The following KATNAL2 variants were observed in gnomAD, a reference collection of about 807,000 sequenced individuals.
The protein encoded by KATNAL2 is katanin catalytic subunit A1 like 2, also known as katanin p60 ATPase-containing subunit A-like 2.
KATNAL2 carries 52 observed loss-of-function variants against 76.3 expected under a neutral mutation model. That is an observed-to-expected ratio of 0.68 (90% confidence interval 0.55 to 0.86). KATNAL2 has a LOEUF of 0.86. Ranked by LOEUF, KATNAL2 falls within the 40% of genes least tolerant of loss-of-function variation. The pLI is 0.00. For missense variants in KATNAL2, 660 were observed against 668.9 expected (o/e 0.99, Z 0.15); for synonymous variants, 243 against 244.2 (o/e 1.00, Z 0.05).
intron 10 of KATNAL2, among the ~76,000 whole-genome samples, 180 bp from the exon 11 acceptor site, chr18:47,066,841 A>ATG (rs10635120): frequency 0.33 from 18,821 of 57,686 alleles, 3,989 homozygotes; most frequent in African/African-American, 0.4. Context: ...CAATGTATAT[A>ATG]TGTGTTTATA....
At chr18:47,061,687 C>A (rs770093058) in intron 8 of KATNAL2, among the ~76,000 whole-genome samples, 3 of 152,162 alleles carry the variant, frequency 2.0e-5, no homozygotes, top group Non-Finnish European at 2.9e-5. Context: ...GATGCTCCCC[C>A]ACTATGTAAC....
At chr18:47,031,307 G>A (rs756520241) in intron 3 of KATNAL2, among the ~76,000 whole-genome samples, 26 of 152,064 alleles carry the variant, frequency 1.7e-4, no homozygotes, top group Non-Finnish European at 3.5e-4. Flanking sequence ...CAGTCCGAAT[G>A]AGGAAAACAG....
intron 15 of KATNAL2, among the ~76,000 whole-genome samples, chr18:47,087,979 G>A (rs1242636080): frequency 6.6e-6 from 1 of 152,012 alleles, no homozygotes; most frequent in Non-Finnish European, 1.5e-5. Flanking sequence ...TTTTAATCTG[G>A]TGCCAGCCTG....
chr18:46,946,777 G>A (rs1193429160), intron 2 of KATNAL2, 77 bp from the exon 3 acceptor site: 6 of 1,333,994 alleles, frequency 4.5e-6, no homozygotes, highest in Admixed American at 2.0e-5. Flanking sequence ...ATCCGGAAAG[G>A]GGCGGGCTGG....
At chr18:47,078,443 G>C (rs1487107234) in intron 15 of KATNAL2, among the ~76,000 whole-genome samples, 2 of 152,104 alleles carry the variant, frequency 1.3e-5, no homozygotes, top group African/African-American at 4.8e-5. Context: ...TTGCTCAGGT[G>C]ATCAGCATTT....
At chr18:47,085,925 C>A (rs1449530598) in intron 15 of KATNAL2, among the ~76,000 whole-genome samples, 5 of 151,824 alleles carry the variant, frequency 3.3e-5, no homozygotes, top group Admixed American at 3.3e-4. Flanking sequence ...CTCGTCTCTA[C>A]AAAAAAATTG....
chr18:47,078,828 A>C (rs1311012917), intron 15 of KATNAL2, among the ~76,000 whole-genome samples: 2 of 152,222 alleles, frequency 1.3e-5, no homozygotes, highest in African/African-American at 4.8e-5. Flanking sequence ...AAACAAAGCA[A>C]AAAACGCATA....
intron 3 of KATNAL2, among the ~76,000 whole-genome samples, chr18:47,031,312 A>G (rs1846677129): frequency 2.0e-5 from 3 of 152,002 alleles, no homozygotes; most frequent in Admixed American, 2.0e-4. Context: ...CGAATGAGGA[A>G]AACAGATCCA....
At chr18:47,072,654 C>T (rs1261961950) in intron 13 of KATNAL2, among the ~76,000 whole-genome samples, 1 of 152,022 alleles carries the variant, frequency 6.6e-6, no homozygotes, top group Non-Finnish European at 1.5e-5. Flanking sequence ...GCCCAGGCTC[C>T]TCTTGAACTT....
rs1192854888 is a variant in KATNAL2 at position 46,917,685 on chromosome 18, T to C, written c.-751T>C. ...GCCCCGCTCGGCCCCAGGTCGTGCC[T>C]TCCCTCCCCGGCGGAGGCCCCTGCG... On this transcript the variant is annotated 5_prime_UTR_variant, in exon 1 of 18. Transcript: ENST00000683218. The C allele has an allele frequency of 8.6e-6, 4 of 464,656 alleles. No homozygotes were observed. The highest frequency in any genetic ancestry group is 8.5e-6 in the Non-Finnish European group (3 of 352,574). 28.8% of individuals were successfully genotyped at this position (464,656 alleles called of 1,614,324 possible).
intron 3 of KATNAL2, chr18:47,035,219 C>G: frequency 6.2e-7 from 1 of 1,612,784 alleles, no homozygotes; most frequent in South Asian, 1.1e-5. Flanking sequence ...GCCAGACGCA[C>G]CTGCAGCTTC....
chr18:47,100,830 G>A (rs367636379), intron 17 of KATNAL2, 36 bp from the exon 18 acceptor site: 21 of 1,613,042 alleles, frequency 1.3e-5, no homozygotes, highest in Admixed American at 1.7e-5. Flanking sequence ...CCAAGAGGTC[G>A]ATTGTTGTGC....
chr18:46,929,091 C>T (rs111960018), intron 1 of KATNAL2, among the ~76,000 whole-genome samples: 117 of 152,132 alleles, frequency 7.7e-4, no homozygotes, highest in East Asian at 3.9e-4. Flanking sequence ...CCACTGTGCC[C>T]GGCTTTGCTC....
At chr18:47,034,472 T>A in intron 3 of KATNAL2, 1 of 1,614,162 alleles carries the variant, frequency 6.2e-7, no homozygotes, top group Non-Finnish European at 8.5e-7. Context: ...CAGGAGGGCA[T>A]CCTTGGGGTT....
rs531217488 is a variant in KATNAL2 at position 46,923,882 on chromosome 18, C to T, written c.-510+5956C>T. Among the ~76,000 whole-genome samples the T allele has an allele frequency of 5.9e-5, 9 of 152,114 alleles. No individual in the cohort carries two copies. The South Asian group carries it at 8.3e-4, about 14-fold the overall frequency. ...GCTGCATAAATGTCTTCTTTTGAGA[C>T]GTGTCTGTTCATATCCTTTGCCCAC... On this transcript the variant is annotated intron_variant, in intron 1 of 17. Coordinates refer to ENST00000683218, the MANE Select transcript of KATNAL2 (RefSeq NM_001387690.1).
intron 3 of KATNAL2, chr18:47,035,483 G>T (rs542628818): frequency 1.3e-5 from 13 of 982,480 alleles, no homozygotes; most frequent in African/African-American, 1.3e-4. Context: ...GCCCGCTTTT[G>T]TTCCTCGGGA....
rs531845337 is a variant in KATNAL2 at position 47,076,784 on chromosome 18, T to G, written c.1101-567T>G. Among the ~76,000 whole-genome samples the G allele has an allele frequency of 6.9e-4, 98 of 142,926 alleles. 1 individual carries two copies. Among genetic ancestry groups the G allele is most frequent in the African/African-American group, 2.4e-3 (94 of 39,008 alleles). The allele number at this position is 142,926 out of a possible 152,430, so 93.8% of individuals were successfully genotyped here. The stretch of plus-strand genomic sequence containing the variant: ...CTAATTATATATTATGCTTATAATA[T>G]ATAATAAATAAATTATATATATATA... On this transcript the variant is annotated intron_variant, in intron 14 of 17. Transcript: ENST00000683218.
chr18:46,944,560 C>T (rs148653838), intron 1 of KATNAL2, among the ~76,000 whole-genome samples: 1,681 of 152,102 alleles, frequency 0.011, 18 homozygotes, highest in Non-Finnish European at 0.017. Flanking sequence ...CATGGTGAAA[C>T]CCCACATGTA....
intron 1 of KATNAL2, among the ~76,000 whole-genome samples, chr18:46,927,769 A>G (rs1042712866): frequency 2.0e-5 from 3 of 152,096 alleles, no homozygotes; most frequent in African/African-American, 7.2e-5. Context: ...TATTTCTTGG[A>G]GGCTTTGTTC....
Sources: allele counts gnomAD v4.1 joint callset (sites outside exome capture counted in the v4.1 genomes callset), GRCh38; gene constraint gnomAD v4.1.1; transcripts MANE v1.5; gene names NCBI Gene and HGNC (gene_info 2026-07-23, HGNC 2026-07-21).